The following SLC25A31 variants were observed in gnomAD, a reference collection of about 807,000 sequenced individuals.
The protein encoded by SLC25A31 is solute carrier family 25 member 31.
A neutral mutation model predicts 36.2 loss-of-function variants in SLC25A31; 40 were observed. That is an observed-to-expected ratio of 1.10 (90% CI 0.86 to 1.44). The LOEUF (loss-of-function observed/expected upper bound fraction) is 1.44, where lower values mean the gene tolerates loss of function less well. Among genes scored for constraint, SLC25A31 ranks in the 40% most tolerant of loss-of-function variants. The pLI, the probability that SLC25A31 is intolerant of heterozygous loss-of-function variation, is 0.00. For synonymous variants in SLC25A31, 143 were observed against 149.7 expected, an observed-to-expected ratio of 0.96 and a Z score of 0.32; for missense variants, 350 against 397.1, an observed-to-expected ratio of 0.88 and a Z score of 1.01.
chr4:127,760,442 C>T lies in SLC25A31; in HGVS notation c.361-3801C>T, dbSNP rs149671517. Among the ~76,000 whole-genome samples the T allele has an allele frequency of 3.9e-5, 6 of 152,278 alleles. No individual in the cohort carries two copies. The East Asian group carries it at 1.2e-3, about 29-fold the overall frequency. Reference sequence around the variant, plus strand: ...TTTGTTCCAATCTAACTCCCAAACTCACCTGAGGTGACTAGACTGGATGAG... The same window carrying T: ...TTTGTTCCAATCTAACTCCCAAACTTACCTGAGGTGACTAGACTGGATGAG... On this transcript the variant is annotated intron_variant, in intron 2 of 5. Transcript: ENST00000281154.
chr4:127,773,787 G>T lies in SLC25A31; in HGVS notation c.*213G>T. The T allele has an allele frequency of 2.6e-6, 1 of 383,090 alleles. No individual in the cohort carries two copies. Among genetic ancestry groups the T allele is most frequent in the Non-Finnish European group, 4.6e-6 (1 of 218,336 alleles). 23.7% of individuals were successfully genotyped at this position (383,090 alleles called of 1,614,324 possible). On this transcript the variant is annotated 3_prime_UTR_variant, in exon 6 of 6. Coordinates refer to ENST00000281154, the MANE Select transcript of SLC25A31 (RefSeq NM_031291.4). ...CTTAGACTCAAACACATTTTAGTGT[G>T]ATATTTCATTTATTATAGGTAGTAT...
At chr4:127,756,381 A>T (rs1196677882) in intron 2 of SLC25A31, among the ~76,000 whole-genome samples, 1 of 152,200 alleles carries the variant, frequency 6.6e-6, no homozygotes, top group African/African-American at 2.4e-5. Context: ...GAATTTTAAA[A>T]TTTTGATCTC....
At chr4:127,745,118 A>G (rs59406140) in intron 2 of SLC25A31, among the ~76,000 whole-genome samples, 1 of 152,266 alleles carries the variant, frequency 6.6e-6, no homozygotes, top group East Asian at 1.9e-4. Flanking sequence ...GCTTATTTTA[A>G]GCGCAGAAAG....
At chr4:127,755,915 C>A (rs1173789623) in intron 2 of SLC25A31, among the ~76,000 whole-genome samples, 1 of 152,086 alleles carries the variant, frequency 6.6e-6, no homozygotes, top group African/African-American at 2.4e-5. Context: ...TTCCTGTAAT[C>A]CTAGCTACTA....
intron 1 of SLC25A31, among the ~76,000 whole-genome samples, chr4:127,736,500 C>G (rs1275588713): frequency 2.0e-5 from 3 of 152,124 alleles, no homozygotes; most frequent in African/African-American, 7.2e-5. Flanking sequence ...CTGCTTTAAC[C>G]TTGTTTTATT....
At position 127,730,455 on chromosome 4, in the gene SLC25A31, T is replaced by C. The variant is rs1333767716; in HGVS notation, c.-91T>C. 4 of 1,342,206 alleles carry C rather than the reference T, an allele frequency of 3.0e-6. No individual in the cohort carries two copies. The highest frequency in any genetic ancestry group is 3.9e-5 in the Admixed American group (2 of 51,222). The allele number at this position is 1,342,206 out of a possible 1,614,324, so 83.1% of individuals were successfully genotyped here. A position where few individuals can be genotyped will look rare whatever the true frequency, so the allele number is the denominator to read the frequency against. On this transcript the variant is annotated 5_prime_UTR_variant, in exon 1 of 6. Coordinates refer to ENST00000281154, the MANE Select transcript of SLC25A31 (RefSeq NM_031291.4). ...AGCCACTTTCTCGCCAGTACGATGC[T>C]GCAGCGGTTTTCCGGTTTTCCGCTT...
intron 2 of SLC25A31, among the ~76,000 whole-genome samples, chr4:127,754,966 G>A (rs1732002290): frequency 6.6e-6 from 1 of 152,130 alleles, no homozygotes; most frequent in South Asian, 2.1e-4. Flanking sequence ...AGTATGACAG[G>A]ACAGAAAGCC....
intron 2 of SLC25A31, among the ~76,000 whole-genome samples, chr4:127,752,133 G>A (rs561419061): frequency 0.017 from 2,561 of 152,096 alleles, 30 homozygotes; most frequent in Non-Finnish European, 0.028. Flanking sequence ...TGTTTATTGC[G>A]GCACTATTCA....
chr4:127,735,149 G>A (rs1731599907), intron 1 of SLC25A31, among the ~76,000 whole-genome samples: 1 of 152,122 alleles, frequency 6.6e-6, no homozygotes, highest in African/African-American at 2.4e-5. Flanking sequence ...CCAAGAAATG[G>A]CGTATTATTT....
chr4:127,767,211 C>G lies in SLC25A31; in HGVS notation c.624C>G (p.Asp208Glu). 1 of 1,595,692 alleles carries G rather than the reference C, an allele frequency of 6.3e-7. No individual in the cohort carries two copies. Residue 208 changes from aspartate (D) to glutamate (E), a missense_variant, in exon 4 of 6, where the codon GAC becomes GAG. Asp to Glu is a conservative substitution (Grantham distance 45). Transcript: ENST00000281154. ...VYRASYFGAY[D>E]TVKGLLPKPK... The stretch of plus-strand genomic sequence containing the variant: ...GAGCCTCTTATTTTGGAGCTTATGA[C>G]ACAGTTAAGGTAATCTGGGGGCTTT...
At chr4:127,747,814 C>T (rs938507644) in intron 2 of SLC25A31, among the ~76,000 whole-genome samples, 1 of 152,106 alleles carries the variant, frequency 6.6e-6, no homozygotes, top group Non-Finnish European at 1.5e-5. Context: ...TCCTCAGGGT[C>T]AGTGACTAGA....
chr4:127,730,864 G>A, intron 1 of SLC25A31, 87 bp downstream of exon 1: 3 of 1,275,974 alleles, frequency 2.4e-6, no homozygotes, highest in Non-Finnish European at 2.2e-6. Flanking sequence ...GGGCATGATT[G>A]TGGGCCCCAC....
intron 2 of SLC25A31, among the ~76,000 whole-genome samples, chr4:127,760,254 A>G (rs990694728): frequency 1.3e-5 from 2 of 152,246 alleles, no homozygotes; most frequent in Non-Finnish European, 2.9e-5. Context: ...ATCCAAAATT[A>G]TCTCAAAATA....
chr4:127,741,201 T>C (rs1269438378), intron 1 of SLC25A31, among the ~76,000 whole-genome samples: 3 of 152,190 alleles, frequency 2.0e-5, no homozygotes. Context: ...GTTTAACTTC[T>C]TTTTAATTTG....
intron 2 of SLC25A31, among the ~76,000 whole-genome samples, chr4:127,760,358 AC>A (rs1393282257): frequency 1.3e-5 from 2 of 152,328 alleles, no homozygotes; most frequent in East Asian, 3.9e-4. Context: ...AATTATTTTT[AC>A]CCAGAAGGTA....
At chr4:127,750,104 AAG>A in intron 2 of SLC25A31, among the ~76,000 whole-genome samples, 1 of 152,322 alleles carries the variant, frequency 6.6e-6, no homozygotes, top group Non-Finnish European at 1.5e-5. Flanking sequence ...TCAGAAATGA[AAG>A]AGAGTTAAAG....
At chr4:127,766,352 G>A (rs1218292626) in intron 3 of SLC25A31, among the ~76,000 whole-genome samples, 1 of 151,604 alleles carries the variant, frequency 6.6e-6, no homozygotes, top group Non-Finnish European at 1.5e-5. Context: ...ATTTTTAATC[G>A]AGACAGGGTT....
intron 2 of SLC25A31, among the ~76,000 whole-genome samples, chr4:127,761,572 C>G (rs903547133): frequency 6.6e-6 from 1 of 152,102 alleles, no homozygotes; most frequent in East Asian, 1.9e-4. Flanking sequence ...TGTGTTTGCT[C>G]TGTTTTCTCA....
chr4:127,753,795 C>A (rs1731980159), intron 2 of SLC25A31, among the ~76,000 whole-genome samples: 1 of 152,094 alleles, frequency 6.6e-6, no homozygotes, highest in African/African-American at 2.4e-5. Flanking sequence ...GAAGGCAACA[C>A]CTTCAGACTC....
Sources: allele counts gnomAD v4.1 joint callset (sites outside exome capture counted in the v4.1 genomes callset), GRCh38; gene constraint gnomAD v4.1.1; transcripts MANE v1.5; gene names NCBI Gene and HGNC (gene_info 2026-07-23, HGNC 2026-07-21).